Variants in NFATC3 observed in about 807,000 individuals in gnomAD.
The protein encoded by NFATC3 is nuclear factor of activated T-cells, cytoplasmic 3.
Under a neutral mutation model 98.6 loss-of-function variants are expected in NFATC3, and 46 were observed. The ratio of observed to expected loss-of-function variants is 0.47; its 90% CI spans 0.37 to 0.60. NFATC3 has a LOEUF of 0.60. Ranked by LOEUF, NFATC3 falls within the 20% of genes least tolerant of loss-of-function variation. The pLI, the probability that NFATC3 is intolerant of heterozygous loss-of-function variation, is 0.00. For missense variants in NFATC3, 1,256 were observed against 1,295.5 expected, an observed-to-expected ratio of 0.97 and a Z score of 0.47; for synonymous variants, 512 against 472.2, an observed-to-expected ratio of 1.08 and a Z score of -1.09.
chr16:68,169,322 G>A (rs531639572), intron 5 of NFATC3, among the ~76,000 whole-genome samples: 1 of 152,108 alleles, frequency 6.6e-6, no homozygotes, highest in South Asian at 2.1e-4. Context: ...AGGCTGGAGT[G>A]CAATGGCATG....
chr16:68,132,664 A>G (rs2037177349), intron 3 of NFATC3, among the ~76,000 whole-genome samples: 2 of 152,246 alleles, frequency 1.3e-5, no homozygotes, highest in South Asian at 4.1e-4. Context: ...ACATATATGC[A>G]CAATACAATA....
intron 9 of NFATC3, chr16:68,225,112 C>T (rs1338480479): frequency 1.3e-5 from 2 of 152,146 alleles, no homozygotes; most frequent in African/African-American, 4.8e-5. Context: ...GCCACCATGC[C>T]TGGCTAATTT....
intron 8 of NFATC3, among the ~76,000 whole-genome samples, chr16:68,187,337 A>C (rs952982308): frequency 6.6e-6 from 1 of 152,190 alleles, no homozygotes; most frequent in Non-Finnish European, 1.5e-5. Flanking sequence ...TGAAGGCCGC[A>C]GCTCTTCTCT....
intron 2 of NFATC3, among the ~76,000 whole-genome samples, chr16:68,125,988 G>T (rs986474163): frequency 5.3e-5 from 8 of 152,090 alleles, no homozygotes; most frequent in African/African-American, 1.9e-4. Context: ...CGTCTCCTGG[G>T]CTCAAGCATT....
intron 1 of NFATC3, among the ~76,000 whole-genome samples, chr16:68,106,423 C>T (rs996304674): frequency 8.6e-5 from 13 of 151,920 alleles, no homozygotes; most frequent in African/African-American, 2.7e-4. Flanking sequence ...TCCCGACTAG[C>T]TGAGAATACA....
At chr16:68,193,179 A>G (rs927166011) in intron 9 of NFATC3, among the ~76,000 whole-genome samples, 9 of 152,178 alleles carry the variant, frequency 5.9e-5, no homozygotes, top group Middle Eastern at 3.4e-3. Flanking sequence ...AATAATGTAG[A>G]TATGATTTAA....
At chr16:68,090,352 C>T (rs530630438) in intron 1 of NFATC3, among the ~76,000 whole-genome samples, 4 of 138,354 alleles carry the variant, frequency 2.9e-5, no homozygotes, top group Middle Eastern at 3.7e-3. Flanking sequence ...CACACACACA[C>T]GAATAGGCTA....
intron 1 of NFATC3, among the ~76,000 whole-genome samples, chr16:68,115,446 A>T (rs943326564): frequency 6.6e-5 from 10 of 151,800 alleles, no homozygotes; most frequent in Admixed American, 3.9e-4. Context: ...TGAGAGACGG[A>T]GTCTTGCTCT....
intron 3 of NFATC3, among the ~76,000 whole-genome samples, chr16:68,138,270 C>T: frequency 6.6e-6 from 1 of 151,556 alleles, no homozygotes; most frequent in East Asian, 2.0e-4. Context: ...GAACTCCTGA[C>T]CTCAAGTAAT....
intron 2 of NFATC3, among the ~76,000 whole-genome samples, chr16:68,125,252 G>A (rs2036775797): frequency 6.6e-6 from 1 of 152,132 alleles, no homozygotes; most frequent in Non-Finnish European, 1.5e-5. Context: ...GAATTCACAG[G>A]AGTAGGACTT....
intron 9 of NFATC3, chr16:68,217,658 G>A (rs1464781341): frequency 2.4e-6 from 3 of 1,230,976 alleles, no homozygotes; most frequent in South Asian, 4.1e-5. Flanking sequence ...CACACCTCAT[G>A]ATAATTCAGA....
At chr16:68,177,960 C>G (rs1459731925) in intron 6 of NFATC3, among the ~76,000 whole-genome samples, 1 of 152,132 alleles carries the variant, frequency 6.6e-6, no homozygotes, top group East Asian at 1.9e-4. Flanking sequence ...ACTTACTCTC[C>G]TTCTTAACAC....
At chr16:68,189,597 G>A (rs2040352516) in intron 8 of NFATC3, among the ~76,000 whole-genome samples, 1 of 152,126 alleles carries the variant, frequency 6.6e-6, no homozygotes, top group Non-Finnish European at 1.5e-5. Context: ...ACTTTGGAGA[G>A]TGTTGTCGTC....
Position 68,126,566 on chromosome 16 carries a change from C to T in NFATC3, c.1357C>T (p.Arg453Ter), listed in dbSNP as rs374816688. The T allele has an allele frequency of 7.4e-6, 12 of 1,613,924 alleles. No homozygotes were observed. Among genetic ancestry groups the T allele is most frequent in the African/African-American group, 1.3e-5 (1 of 74,870 alleles). Reference protein sequence around the residue: ...HRAHYETEGSRGAVKASTGGH... With the variant: ...HRAHYETEGS Reference sequence around the variant, plus strand: ...AGCCCATTATGAAACTGAAGGTAGCCGAGGGGCAGTAAAAGCATCTACTGG... The same window carrying T: ...AGCCCATTATGAAACTGAAGGTAGCTGAGGGGCAGTAAAAGCATCTACTGG... The change falls in exon 3 of 10, where the codon CGA (arginine) becomes TGA (stop). Residue 453 changes from arginine (R) to a stop codon, truncating the protein, a stop_gained. Transcript: ENST00000346183. LOFTEE classifies it high-confidence loss of function.
intron 5 of NFATC3, among the ~76,000 whole-genome samples, chr16:68,170,553 C>T (rs1277136755): frequency 2.1e-5 from 3 of 143,920 alleles, no homozygotes; most frequent in African/African-American, 5.2e-5. Flanking sequence ...AGTGCAGTGG[C>T]GCAATCTCGG....
chr16:68,178,891 A>G (rs2039831963), intron 6 of NFATC3, among the ~76,000 whole-genome samples: 1 of 152,196 alleles, frequency 6.6e-6, no homozygotes, highest in African/African-American at 2.4e-5. Context: ...TGCAGTTGTA[A>G]ACATGTAACT....
At chr16:68,195,029 G>A (rs1053681396) in intron 9 of NFATC3, among the ~76,000 whole-genome samples, 1 of 151,740 alleles carries the variant, frequency 6.6e-6, no homozygotes, top group African/African-American at 2.4e-5. Flanking sequence ...GAGGTGGGTG[G>A]ATCACCTAAG....
intron 3 of NFATC3, among the ~76,000 whole-genome samples, chr16:68,142,244 A>AT (rs2037790776): frequency 6.6e-6 from 1 of 151,388 alleles, no homozygotes; most frequent in Non-Finnish European, 1.5e-5. Context: ...GTCATCTATG[A>AT]TTTTTTTCAG....
chr16:68,209,629 A>G (rs1312318555), intron 9 of NFATC3: 2 of 395,802 alleles, frequency 5.1e-6, no homozygotes, highest in Non-Finnish European at 9.9e-6. Flanking sequence ...TGATGAGCCT[A>G]TGTCAAGTTC....
Sources: gnomAD v4.1 joint callset for allele counts (sites outside exome capture counted in the v4.1 genomes callset) on GRCh38, gnomAD v4.1.1 for gene constraint, MANE v1.5 for transcripts, NCBI Gene and HGNC (gene_info 2026-07-23, HGNC 2026-07-21) for gene names.